Variants in FBN1 observed in about 807,000 individuals in gnomAD.
The protein encoded by FBN1 is fibrillin 1.
In FBN1, 29 loss-of-function variants were observed where a neutral mutation model predicts 365.1. That is an observed-to-expected ratio of 0.08 (90% CI 0.06 to 0.11). The LOEUF (loss-of-function observed/expected upper bound fraction) is 0.11, where lower values mean the gene tolerates loss of function less well. Ranked by LOEUF, FBN1 falls within the 10% of genes least tolerant of loss-of-function variation. The pLI, the probability that FBN1 is intolerant of heterozygous loss-of-function variation, is 1.00. For missense variants in FBN1, 2,476 were observed against 3,703.2 expected (o/e 0.67, Z 8.60); for synonymous variants, 1,210 against 1,270.5 (o/e 0.95, Z 1.01).
chr15:48,440,882 G>GA (rs2043107397), intron 50 of FBN1, among the ~76,000 whole-genome samples: 1 of 117,194 alleles, frequency 8.5e-6, no homozygotes, highest in Non-Finnish European at 1.7e-5. Context: ...TAATACGGAA[G>GA]CAAAACCAAA....
At chr15:48,451,474 A>AT (rs1355350789) in intron 45 of FBN1, among the ~76,000 whole-genome samples, 2 of 152,128 alleles carry the variant, frequency 1.3e-5, no homozygotes, top group Admixed American at 1.3e-4. Context: ...TCTCAATGCG[A>AT]TTTTTTTGTT....
At chr15:48,594,938 T>A (rs551624373) in intron 6 of FBN1, among the ~76,000 whole-genome samples, 1 of 152,342 alleles carries the variant, frequency 6.6e-6, no homozygotes, top group African/African-American at 2.4e-5. Flanking sequence ...AGAAATAGTT[T>A]TTAGTACTCT....
At position 48,499,016 on chromosome 15, in the gene FBN1, G is replaced by A; in HGVS notation, c.2136C>T (p.Ser712=). 1 of 1,614,196 alleles carries A rather than the reference G, an allele frequency of 6.2e-7. No individual in the cohort carries two copies. The highest frequency in any genetic ancestry group is 8.5e-7 in the Non-Finnish European group (1 of 1,180,010). ...QNSAEYQALC[S]SGPGMTSAGS... The stretch of plus-strand genomic sequence containing the variant: ...CTGCTGACGTCATTCCTGGCCCACT[G>A]CTGCAGAGTGCCTGATATTCCGCTG... The change falls in exon 18 of 66, where the codon AGC becomes AGT. Residue 712 remains serine (S), a synonymous_variant. Coordinates refer to ENST00000316623, the MANE Select transcript of FBN1 (RefSeq NM_000138.5).
chr15:48,634,857 C>A (rs201741371), intron 2 of FBN1, among the ~76,000 whole-genome samples: 60 of 69,126 alleles, frequency 8.7e-4, no homozygotes, highest in Middle Eastern at 9.1e-3. Context: ...AAAAAAAAAA[C>A]CACACACACA....
At chr15:48,568,049 G>GAAGAAAGAAAGAAGAAAGAAAGA (rs2044273124) in intron 6 of FBN1, among the ~76,000 whole-genome samples, 1 of 40,132 alleles carries the variant, frequency 2.5e-5, no homozygotes, top group African/African-American at 1.4e-4. Context: ...AAGAAAGAAA[G>GAAGAAAGAAAGAAGAAAGAAAGA]AAGAAAGAAA....
chr15:48,441,988 T>A, intron 49 of FBN1, 142 bp from the exon 50 acceptor site: 1 of 857,706 alleles, frequency 1.2e-6, no homozygotes, highest in Non-Finnish European at 1.9e-6. Flanking sequence ...ACCATAACAC[T>A]GTGGACTGGA....
chr15:48,621,871 G>A (rs371712107), intron 2 of FBN1, among the ~76,000 whole-genome samples: 29 of 151,594 alleles, frequency 1.9e-4, no homozygotes, highest in East Asian at 3.9e-4. Context: ...GGTGGCGGGC[G>A]CCTGTAGTCC....
At chr15:48,569,791 GGAGA>G (rs2044292378) in intron 6 of FBN1, among the ~76,000 whole-genome samples, 1 of 152,116 alleles carries the variant, frequency 6.6e-6, no homozygotes, top group Non-Finnish European at 1.5e-5. Flanking sequence ...CAGGGCTCTG[GGAGA>G]GAGCAAGGAT....
chr15:48,583,378 A>G (rs2044410929), intron 6 of FBN1, among the ~76,000 whole-genome samples: 8 of 152,304 alleles, frequency 5.3e-5, no homozygotes, highest in Admixed American at 4.6e-4. Flanking sequence ...TGGGACTAAC[A>G]CTTTTAGTCC....
At chr15:48,462,571 A>AG (rs11384834) in intron 42 of FBN1, among the ~76,000 whole-genome samples, 152,320 of 152,320 alleles carry the variant, frequency 1, 76,160 homozygotes, top group Non-Finnish European at 1. Context: ...GCAAGTGTGT[A>AG]GAATTCCCGG....
chr15:48,448,502 A>G (rs958785567), intron 46 of FBN1, among the ~76,000 whole-genome samples: 1 of 152,186 alleles, frequency 6.6e-6, no homozygotes, highest in Non-Finnish European at 1.5e-5. Flanking sequence ...ATTAACATTA[A>G]TATTTTTGTA....
intron 4 of FBN1, among the ~76,000 whole-genome samples, chr15:48,608,710 C>CA (rs2044632409): frequency 6.6e-6 from 1 of 152,106 alleles, no homozygotes; most frequent in South Asian, 2.1e-4. Context: ...AGATATGACT[C>CA]AGACTTCCTC....
rs370998342 is a variant in FBN1, at chr15:48,613,146, G to C, written c.165-54C>G. On this transcript the variant is annotated intron_variant, in intron 2 of 65. Coordinates refer to ENST00000316623, the MANE Select transcript of FBN1 (RefSeq NM_000138.5). ...TTTAAAAAAAAGAAGAAGAGGAAGA[G>C]ATGGCCAAATAAAAGGAAAAAAAAT... 2.2e-6 allele frequency: 3 copies of C among 1,389,298 alleles called. No homozygotes were observed. In the African/African-American group the frequency reaches 4.3e-5, roughly 20 times the overall value. 86.1% of individuals were successfully genotyped at this position (1,389,298 alleles called of 1,614,324 possible).
intron 44 of FBN1, 128 bp downstream of exon 44, chr15:48,456,509 T>C (rs1308185441): frequency 2.1e-6 from 2 of 951,380 alleles, no homozygotes; most frequent in Non-Finnish European, 3.3e-6. Flanking sequence ...TTCCACACCA[T>C]GCCCTTTACT....
intron 2 of FBN1, among the ~76,000 whole-genome samples, chr15:48,624,365 T>G (rs1889831457): frequency 1.3e-5 from 2 of 152,198 alleles, no homozygotes; most frequent in Non-Finnish European, 2.9e-5. Flanking sequence ...AGGCAATGAT[T>G]TGAATAACTT....
At chr15:48,589,179 A>G (rs1367363075) in intron 6 of FBN1, among the ~76,000 whole-genome samples, 1 of 152,186 alleles carries the variant, frequency 6.6e-6, no homozygotes, top group Non-Finnish European at 1.5e-5. Flanking sequence ...CTGAGGAAGA[A>G]AATGTCAGCA....
At chr15:48,551,290 T>C (rs2044139618) in intron 6 of FBN1, among the ~76,000 whole-genome samples, 1 of 152,144 alleles carries the variant, frequency 6.6e-6, no homozygotes, top group Non-Finnish European at 1.5e-5. Context: ...ACATAACCAA[T>C]ACATCCCGCT....
chr15:48,560,633 C>T (rs1336043470), intron 6 of FBN1, among the ~76,000 whole-genome samples: 2 of 152,148 alleles, frequency 1.3e-5, no homozygotes, highest in African/African-American at 4.8e-5. Flanking sequence ...CCTCGGTTGT[C>T]TTCGTATGAG....
intron 40 of FBN1, among the ~76,000 whole-genome samples, chr15:48,464,490 T>C (rs997123212): frequency 2.0e-5 from 3 of 152,070 alleles, no homozygotes; most frequent in African/African-American, 7.2e-5. Flanking sequence ...CACTCCAGCC[T>C]GGGCAACAGA....
Sources: allele counts gnomAD v4.1 joint callset (sites outside exome capture counted in the v4.1 genomes callset), GRCh38; gene constraint gnomAD v4.1.1; transcripts MANE v1.5; gene names NCBI Gene and HGNC (gene_info 2026-07-23, HGNC 2026-07-21).